The following DDX19A variants were observed in gnomAD, a reference collection of about 807,000 sequenced individuals.
DDX19A encodes ATP-dependent RNA helicase DDX19A.
A neutral mutation model predicts 60.6 loss-of-function variants in DDX19A; 12 were observed. The observed-to-expected ratio is 0.20, with a 90% CI of 0.13 to 0.32. The LOEUF is 0.32. Ranked by LOEUF, DDX19A falls within the 10% of genes least tolerant of loss-of-function variation. The pLI, the probability that DDX19A is intolerant of heterozygous loss-of-function variation, is 1.00. For synonymous variants in DDX19A, 206 were observed against 218.2 expected (o/e 0.94, Z 0.49); for missense variants, 337 against 600.6 (o/e 0.56, Z 4.59).
intron 5 of DDX19A, among the ~76,000 whole-genome samples, chr16:70,362,111 G>C (rs1301255367): frequency 2.6e-5 from 4 of 151,410 alleles, no homozygotes; most frequent in Non-Finnish European, 5.9e-5. Context: ...GGAGGCAGAG[G>C]TTGCAGTGAG....
chr16:70,366,982 A>G (rs1964539200), intron 9 of DDX19A, 121 bp downstream of exon 9: 2 of 1,170,810 alleles, frequency 1.7e-6, no homozygotes, highest in South Asian at 2.8e-5. Context: ...TTGAAGATGT[A>G]AGAGACAGGC....
intron 4 of DDX19A, among the ~76,000 whole-genome samples, chr16:70,358,841 A>G (rs1964292747): frequency 6.6e-6 from 1 of 152,150 alleles, no homozygotes; most frequent in Non-Finnish European, 1.5e-5. Flanking sequence ...ATAAAAGCGA[A>G]ACTCCTTCTC....
chr16:70,357,489 A>G (rs1480505530), intron 4 of DDX19A, among the ~76,000 whole-genome samples: 6 of 138,892 alleles, frequency 4.3e-5, no homozygotes, highest in Non-Finnish European at 9.1e-5. Flanking sequence ...GGTCCAAGCG[A>G]TTCTCCTGCC....
rs1034110095 is a variant in DDX19A at position 70,362,029 on chromosome 16, T to C, written c.386+519T>C. Among the ~76,000 whole-genome samples the C allele has an allele frequency of 2.6e-5, 4 of 151,012 alleles. No individual in the cohort carries two copies. The South Asian group carries it at 6.3e-4, about 24-fold the overall frequency. ...TACTAAAATCAAAAAAAAAAAAATATCCAGGCCTGTTGGCATGTGCCTGTA... is the reference window on the plus strand; with the variant it reads ...TACTAAAATCAAAAAAAAAAAAATACCCAGGCCTGTTGGCATGTGCCTGTA... On this transcript the variant is annotated intron_variant, in intron 5 of 11. Coordinates refer to ENST00000302243, the MANE Select transcript of DDX19A (RefSeq NM_018332.5).
chr16:70,365,199 G>A, intron 7 of DDX19A, 68 bp downstream of exon 7: 1 of 1,039,188 alleles, frequency 9.6e-7, no homozygotes, highest in South Asian at 1.3e-5. Context: ...TTTTGAAGAT[G>A]CGATGACCGT....
intron 2 of DDX19A, among the ~76,000 whole-genome samples, chr16:70,350,988 C>T (rs1455208846): frequency 6.6e-6 from 1 of 151,260 alleles, no homozygotes; most frequent in African/African-American, 2.4e-5. Flanking sequence ...TAACCATTCT[C>T]CTGCCTCAGC....
chr16:70,354,632 G>A (rs1430550076), intron 2 of DDX19A, among the ~76,000 whole-genome samples: 1 of 152,120 alleles, frequency 6.6e-6, no homozygotes, highest in Non-Finnish European at 1.5e-5. Context: ...TCTGAAATTA[G>A]TCAAAATTTC....
intron 1 of DDX19A, among the ~76,000 whole-genome samples, chr16:70,348,395 G>T (rs963604878): frequency 1.3e-5 from 2 of 151,968 alleles, no homozygotes; most frequent in Non-Finnish European, 2.9e-5. Context: ...GGAGGCCGAG[G>T]CGGGCAGATC....
intron 3 of DDX19A, chr16:70,355,816 G>C (rs988457886): frequency 3.5e-6 from 2 of 573,242 alleles, no homozygotes; most frequent in Non-Finnish European, 6.2e-6. Flanking sequence ...TTCAAAATGA[G>C]CTGGGTGTGG....
chr16:70,364,937 A>C (rs565576484), intron 6 of DDX19A, 80 bp from the exon 7 acceptor site: 1 of 1,083,148 alleles, frequency 9.2e-7, no homozygotes, highest in East Asian at 2.4e-5. Context: ...TCAAGTGCTA[A>C]TAACATCAGC....
intron 1 of DDX19A, among the ~76,000 whole-genome samples, chr16:70,349,970 G>A (rs1963963516): frequency 6.6e-6 from 1 of 152,186 alleles, no homozygotes; most frequent in East Asian, 1.9e-4. Context: ...GTTATCATGT[G>A]GTTCTGCTCT....
At chr16:70,352,591 T>C (rs945472050) in intron 2 of DDX19A, among the ~76,000 whole-genome samples, 1 of 147,454 alleles carries the variant, frequency 6.8e-6, no homozygotes, top group Non-Finnish European at 1.5e-5. Context: ...CCCTTCCTTG[T>C]GTTTTATAAT....
intron 4 of DDX19A, among the ~76,000 whole-genome samples, chr16:70,360,495 TTTTTGTTTTG>T (rs150346969): frequency 1.6e-4 from 24 of 151,100 alleles, no homozygotes; most frequent in South Asian, 6.2e-4. Flanking sequence ...TCATTTTTCT[TTTTTGTTTTG>T]TTTTGTTTTG....
intron 5 of DDX19A, among the ~76,000 whole-genome samples, chr16:70,361,968 C>G (rs577665124): frequency 7.9e-5 from 12 of 151,290 alleles, no homozygotes; most frequent in African/African-American, 1.5e-4. Context: ...CTCAGTAATT[C>G]GAGACCAGCC....
chr16:70,369,173 GTTTT>G (rs560443179), intron 9 of DDX19A, among the ~76,000 whole-genome samples: 33 of 96,340 alleles, frequency 3.4e-4, no homozygotes, highest in Middle Eastern at 0.016. Context: ...GGCCAATCTG[GTTTT>G]TTTTTTTTTT....
intron 10 of DDX19A, 142 bp from the exon 11 acceptor site, chr16:70,371,230 G>T (rs896279836): frequency 6.9e-7 from 1 of 1,444,012 alleles, no homozygotes; most frequent in Non-Finnish European, 9.5e-7. Flanking sequence ...CTATATGTGT[G>T]CCCTCTCTTG....
At chr16:70,367,156 C>T (rs1209145339) in intron 9 of DDX19A, among the ~76,000 whole-genome samples, 1 of 152,092 alleles carries the variant, frequency 6.6e-6, no homozygotes, top group Non-Finnish European at 1.5e-5. Context: ...TGGCCGGGTA[C>T]GGTGGCTCAT....
intron 4 of DDX19A, among the ~76,000 whole-genome samples, chr16:70,357,472 C>T (rs1279172710): frequency 7.0e-6 from 1 of 142,666 alleles, no homozygotes; most frequent in Non-Finnish European, 1.5e-5. Flanking sequence ...ACAACCTCCA[C>T]CTCCCAGGTC....
intron 4 of DDX19A, among the ~76,000 whole-genome samples, chr16:70,360,179 G>A (rs964192249): frequency 1.3e-5 from 2 of 151,850 alleles, no homozygotes; most frequent in Non-Finnish European, 2.9e-5. Flanking sequence ...TCCTCAGAAG[G>A]CTGAGGTAGG....
Sources: gnomAD v4.1 joint callset for allele counts (sites outside exome capture counted in the v4.1 genomes callset) on GRCh38, gnomAD v4.1.1 for gene constraint, MANE v1.5 for transcripts, NCBI Gene and HGNC (gene_info 2026-07-23, HGNC 2026-07-21) for gene names.